DLG5: variants seen among roughly 807,000 people sequenced by gnomAD.
DLG5 encodes disks large homolog 5.
DLG5 carries 48 observed loss-of-function variants against 189.8 expected under a neutral mutation model. The observed-to-expected ratio is 0.25, with a 90% CI of 0.20 to 0.32. The LOEUF is 0.32. DLG5 is among the 10% of genes least tolerant of loss of function. DLG5 has a pLI of 1.00. For missense variants in DLG5, 2,160 were observed against 2,544.7 expected, an observed-to-expected ratio of 0.85 and a Z score of 3.25; for synonymous variants, 1,016 against 1,054.1, an observed-to-expected ratio of 0.96 and a Z score of 0.70.
At chr10:77,891,938 C>T (rs1845621720) in intron 1 of DLG5, among the ~76,000 whole-genome samples, 1 of 152,228 alleles carries the variant, frequency 6.6e-6, no homozygotes, top group African/African-American at 2.4e-5. Context: ...TGTCCCCAGC[C>T]CTGCCCCTCT....
intron 7 of DLG5, among the ~76,000 whole-genome samples, chr10:77,839,480 A>T (rs1314131931): frequency 6.6e-6 from 1 of 152,152 alleles, no homozygotes; most frequent in Non-Finnish European, 1.5e-5. Flanking sequence ...CAGCCTGGGC[A>T]AAAGAGGGAA....
chr10:77,812,480 C>A (rs940491944), intron 20 of DLG5, 103 bp from the exon 21 acceptor site: 1 of 1,363,796 alleles, frequency 7.3e-7, no homozygotes, highest in Non-Finnish European at 9.9e-7. Context: ...GCAGAAAGGG[C>A]CCCGAGCCTG....
intron 1 of DLG5, among the ~76,000 whole-genome samples, chr10:77,890,562 A>ATC (rs1845576876): frequency 1.3e-5 from 2 of 152,138 alleles, no homozygotes; most frequent in Admixed American, 6.5e-5. Flanking sequence ...CACGCCTGTA[A>ATC]TCCCAACACT....
intron 13 of DLG5, among the ~76,000 whole-genome samples, chr10:77,827,706 G>A (rs747141842): frequency 1.3e-5 from 2 of 152,142 alleles, no homozygotes; most frequent in Non-Finnish European, 2.9e-5. Flanking sequence ...CAACTTCTAT[G>A]TCCATCAATA....
chr10:77,793,134 T>C (rs903469956), intron 31 of DLG5: 7 of 152,334 alleles, frequency 4.6e-5, no homozygotes, highest in African/African-American at 1.7e-4. Flanking sequence ...TTTATGTCTG[T>C]TGAATCTAAC....
Position 77,817,050 on chromosome 10 carries a change from T to C in DLG5, c.3831A>G (p.Pro1277=), listed in dbSNP as rs372714107. 6.2e-6 allele frequency: 10 copies of C among 1,614,170 alleles called. No homozygotes were observed. The highest frequency in any genetic ancestry group is 2.2e-5 in the East Asian group (1 of 44,878). ...CACTCCGCGGATATCTTGGTGTTGA[T>C]GGGATTTTAATGCGTTCCGCCTTGA... ...LQFKAERIKI[P]STPRYPRSVV... The change falls in exon 19 of 32, where the codon CCA becomes CCG. Residue 1277 remains proline, a synonymous_variant. Coordinates refer to ENST00000372391, the MANE Select transcript of DLG5 (RefSeq NM_004747.4).
At chr10:77,893,526 T>A (rs1407373339) in intron 1 of DLG5, among the ~76,000 whole-genome samples, 1 of 152,164 alleles carries the variant, frequency 6.6e-6, no homozygotes, top group Non-Finnish European at 1.5e-5. Flanking sequence ...GGCAAAGGGC[T>A]CCAGGAGTCC....
At chr10:77,802,011 G>A (rs1419337713) in intron 27 of DLG5, among the ~76,000 whole-genome samples, 1 of 152,212 alleles carries the variant, frequency 6.6e-6, no homozygotes, top group Non-Finnish European at 1.5e-5. Flanking sequence ...TGAAGATGGA[G>A]CAGATGAGAT....
chr10:77,807,445 G>A (rs1429767550), intron 25 of DLG5, among the ~76,000 whole-genome samples: 3 of 152,202 alleles, frequency 2.0e-5, no homozygotes, highest in African/African-American at 4.8e-5. Context: ...TAAGGGCACT[G>A]AAGATGCCTG....
intron 13 of DLG5, among the ~76,000 whole-genome samples, chr10:77,826,108 T>C (rs1842624616): frequency 1.3e-5 from 2 of 151,964 alleles, no homozygotes; most frequent in South Asian, 4.1e-4. Flanking sequence ...TCTCGCTGGA[T>C]GTTAAACATT....
intron 1 of DLG5, among the ~76,000 whole-genome samples, chr10:77,907,844 G>A (rs551355091): frequency 7.2e-5 from 11 of 152,216 alleles, no homozygotes; most frequent in Admixed American, 2.6e-4. Context: ...TGAGTAACCC[G>A]GCCTTCCTTA....
chr10:77,930,826 T>TA (rs1382338171), upstream of DLG5, among the ~76,000 whole-genome samples: 3 of 147,468 alleles, frequency 2.0e-5, no homozygotes, highest in African/African-American at 7.5e-5. Context: ...TTTTTTTTTT[T>TA]TTTTTTTTTT....
chr10:77,937,309 T>C, the DLG5 span, among the ~76,000 whole-genome samples: 2 of 152,330 alleles, frequency 1.3e-5, no homozygotes, highest in East Asian at 1.9e-4. Context: ...AAACTCCTAC[T>C]GACCTTGCCT....
chr10:77,853,335 C>T lies in DLG5; in HGVS notation c.864+19G>A. 6.7e-7 allele frequency: 1 copy of T among 1,485,984 alleles called. No individual in the cohort carries two copies. The highest frequency in any genetic ancestry group is 1.3e-5 in the South Asian group (1 of 74,640). The allele number at this position is 1,485,984 out of a possible 1,614,324, so 92.0% of individuals were successfully genotyped here. ...GGACTACTTGGGAGAAATGGCCAGTCTCCAGGGGCTGGGCCTACCTGCTGC... is the reference window on the plus strand; with the variant it reads ...GGACTACTTGGGAGAAATGGCCAGTTTCCAGGGGCTGGGCCTACCTGCTGC... On this transcript the variant is annotated intron_variant, in intron 5 of 31. Transcript: ENST00000372391.
At chr10:77,840,547 G>A (rs1176448451) in intron 7 of DLG5, among the ~76,000 whole-genome samples, 6 of 152,180 alleles carry the variant, frequency 3.9e-5, no homozygotes, top group Admixed American at 2.0e-4. Flanking sequence ...GCAAAGCCAC[G>A]TCTCTAGTAA....
chr10:77,937,623 T>C, the DLG5 span, among the ~76,000 whole-genome samples: 1 of 152,098 alleles, frequency 6.6e-6, no homozygotes, highest in Non-Finnish European at 1.5e-5. Context: ...TATTTTTGCA[T>C]ATCCCCACCT....
At position 77,850,445 on chromosome 10, in the gene DLG5, G is replaced by A. The variant is rs144377992; in HGVS notation, c.864+2909C>T. ...ATCACATTTTATTTATCCATTCATCGGTCAGTAGACCTTTGGGTTGTTACC... is the reference window on the plus strand; with the variant it reads ...ATCACATTTTATTTATCCATTCATCAGTCAGTAGACCTTTGGGTTGTTACC... On this transcript the variant is annotated intron_variant, in intron 5 of 31. Transcript: ENST00000372391. 5.5e-3 allele frequency among the ~76,000 whole-genome samples: 836 copies of A among 152,180 alleles called. 5 individuals are homozygous for A. The highest frequency in any genetic ancestry group is 0.019 in the African/African-American group (777 of 41,512).
chr10:77,869,989 C>T (rs930452425), intron 1 of DLG5, among the ~76,000 whole-genome samples: 1 of 152,142 alleles, frequency 6.6e-6, no homozygotes, highest in Non-Finnish European at 1.5e-5. Flanking sequence ...AACCAGATGG[C>T]TTATAAGGTC....
intron 1 of DLG5, among the ~76,000 whole-genome samples, chr10:77,922,437 C>G (rs1418438225): frequency 6.6e-6 from 1 of 152,168 alleles, no homozygotes; most frequent in Non-Finnish European, 1.5e-5. Context: ...CTGTCTTCTC[C>G]CTACCACCAG....
Sources: allele counts gnomAD v4.1 joint callset (sites outside exome capture counted in the v4.1 genomes callset), GRCh38; gene constraint gnomAD v4.1.1; transcripts MANE v1.5; gene names NCBI Gene and HGNC (gene_info 2026-07-23, HGNC 2026-07-21).